LAMA2: variants seen among roughly 807,000 people sequenced by gnomAD.
LAMA2 encodes laminin subunit alpha-2.
A neutral mutation model predicts 364.8 loss-of-function variants in LAMA2; 269 were observed. The ratio of observed to expected loss-of-function variants is 0.74; its 90% CI spans 0.67 to 0.82. The LOEUF (loss-of-function observed/expected upper bound fraction) is 0.82. LAMA2 is among the 40% of genes least tolerant of loss of function. The pLI is 0.00. For synonymous variants in LAMA2, 1,379 were observed against 1,370.6 expected, an observed-to-expected ratio of 1.01 and a Z score of -0.14; for missense variants, 3,807 against 3,873.2, an observed-to-expected ratio of 0.98 and a Z score of 0.45.
intron 2 of LAMA2, among the ~76,000 whole-genome samples, chr6:129,057,000 T>C (rs1201529342): frequency 1.3e-5 from 2 of 152,046 alleles, no homozygotes; most frequent in Non-Finnish European, 2.9e-5. Flanking sequence ...CCCAAAGTGC[T>C]GGGATTACAG....
intron 4 of LAMA2, among the ~76,000 whole-genome samples, chr6:129,117,997 T>C (rs1316977487): frequency 2.0e-5 from 3 of 152,156 alleles, no homozygotes; most frequent in African/African-American, 7.2e-5. Flanking sequence ...ACTCATCTTA[T>C]GTAGGAGGAA....
At chr6:128,922,041 C>T (rs1778772903) in intron 1 of LAMA2, among the ~76,000 whole-genome samples, 1 of 152,094 alleles carries the variant, frequency 6.6e-6, no homozygotes, top group Non-Finnish European at 1.5e-5. Context: ...ATGAACTCAT[C>T]ATTTTTTATG....
chr6:129,318,103 G>A (rs1459376932), intron 27 of LAMA2, among the ~76,000 whole-genome samples: 1 of 152,074 alleles, frequency 6.6e-6, no homozygotes, highest in African/African-American at 2.4e-5. Context: ...TAAGGCAGTG[G>A]AATTGTGGCA....
At chr6:129,300,536 A>G (rs1773484805) in intron 21 of LAMA2, among the ~76,000 whole-genome samples, 200 bp from the exon 22 acceptor site, 1 of 152,186 alleles carries the variant, frequency 6.6e-6, no homozygotes, top group Admixed American at 6.5e-5. Context: ...AATACATCTT[A>G]TATTTATTGA....
At chr6:129,457,629 G>A (rs932549866) in intron 48 of LAMA2, among the ~76,000 whole-genome samples, 20 of 152,028 alleles carry the variant, frequency 1.3e-4, no homozygotes, top group African/African-American at 4.6e-4. Context: ...GCTAAGTAAT[G>A]TTCTCAGTAA....
chr6:129,313,908 A>G (rs879512631), intron 23 of LAMA2, among the ~76,000 whole-genome samples: 58 of 152,206 alleles, frequency 3.8e-4, no homozygotes, highest in African/African-American at 1.3e-3. Context: ...AATTATGATC[A>G]TATATTTAAT....
At chr6:129,421,533 A>G (rs892684150) in intron 40 of LAMA2, among the ~76,000 whole-genome samples, 13 of 152,162 alleles carry the variant, frequency 8.5e-5, no homozygotes, top group African/African-American at 2.9e-4. Flanking sequence ...TAGCTTAGAA[A>G]ATGCTGCTTC....
intron 12 of LAMA2, among the ~76,000 whole-genome samples, chr6:129,200,419 CGTGTATATGTGTACACATATACATATAT>C (rs973463216): frequency 3.4e-5 from 5 of 144,932 alleles, no homozygotes; most frequent in African/African-American, 1.3e-4. Flanking sequence ...TATACATATA[CGTGTATATGTGTACACATATACATATAT>C]GTATATATAT....
chr6:128,895,524 T>TGTAGTG (rs1776721266), intron 1 of LAMA2, among the ~76,000 whole-genome samples: 1 of 149,346 alleles, frequency 6.7e-6, no homozygotes, highest in African/African-American at 2.5e-5. Context: ...GGCGGGCGCT[T>TGTAGTG]GTAGTGCCAG....
chr6:129,057,338 T>C lies in LAMA2; in HGVS notation c.284-2446T>C, dbSNP rs555533654. ...GGCAAAGTAAGAAAATGAGAACAAC[T>C]TTCCACATTTTTCATAAAAATAGAA... On this transcript the variant is annotated intron_variant, in intron 2 of 64. Transcript: ENST00000421865. Among the ~76,000 whole-genome samples the C allele has an allele frequency of 4.6e-5, 7 of 152,300 alleles. No individual in the cohort carries two copies. The South Asian group carries it at 1.4e-3, about 32-fold the overall frequency.
intron 9 of LAMA2, among the ~76,000 whole-genome samples, chr6:129,172,207 G>T (rs1263732210): frequency 1.3e-5 from 2 of 152,026 alleles, no homozygotes; most frequent in African/African-American, 2.4e-5. Flanking sequence ...GCTTTGTTCC[G>T]TTGCTGGTGA....
chr6:129,011,962 A>G (rs1304653253), intron 1 of LAMA2, among the ~76,000 whole-genome samples: 2 of 152,162 alleles, frequency 1.3e-5, no homozygotes, highest in Non-Finnish European at 2.9e-5. Flanking sequence ...AATAAAGAAA[A>G]TGTATTAAAA....
intron 15 of LAMA2, among the ~76,000 whole-genome samples, chr6:129,261,935 A>C (rs1014567880): frequency 6.6e-6 from 1 of 152,130 alleles, no homozygotes; most frequent in African/African-American, 2.4e-5. Flanking sequence ...TAAAATACAC[A>C]ATGTATTTGA....
At chr6:129,073,566 C>T (rs1256482903) in intron 3 of LAMA2, among the ~76,000 whole-genome samples, 1 of 152,136 alleles carries the variant, frequency 6.6e-6, no homozygotes, top group Non-Finnish European at 1.5e-5. Context: ...CATTTGTCTT[C>T]TCTTCTTTTG....
At chr6:129,404,790 A>C (rs1780160824) in intron 40 of LAMA2, among the ~76,000 whole-genome samples, 1 of 152,162 alleles carries the variant, frequency 6.6e-6, no homozygotes, top group African/African-American at 2.4e-5. Context: ...ACACATAAGC[A>C]GTGGTGTTAA....
chr6:129,300,901 A>C (rs754928454), intron 22 of LAMA2, 29 bp downstream of exon 22: 1 of 1,612,548 alleles, frequency 6.2e-7, no homozygotes, highest in Admixed American at 1.7e-5. Flanking sequence ...TGCTCTGATA[A>C]TTTTTTGGAG....
intron 1 of LAMA2, chr6:128,930,091 GC>G (rs1376363592): frequency 3.0e-6 from 1 of 328,438 alleles, no homozygotes; most frequent in African/African-American, 2.2e-5. Flanking sequence ...TCAATCAGCA[GC>G]CCACAGCCCG....
rs530596823 is a variant in LAMA2, at chr6:129,377,913, C to T, written c.4960-5209C>T. On this transcript the variant is annotated intron_variant, in intron 34 of 64. Coordinates refer to ENST00000421865, the MANE Select transcript of LAMA2 (RefSeq NM_000426.4). ...AATTAACGTGTGCCTAATGGTAATG[C>T]ATGCTGCCTAGACATAAATACTCTA... Among the ~76,000 whole-genome samples, 437 of 151,674 alleles carry T rather than the reference C, an allele frequency of 2.9e-3. 3 individuals are homozygous for T. Among genetic ancestry groups the T allele is most frequent in the Non-Finnish European group, 4.3e-3 (294 of 67,890 alleles).
chr6:129,331,833 T>C (rs746529542), intron 29 of LAMA2, among the ~76,000 whole-genome samples: 1 of 152,174 alleles, frequency 6.6e-6, no homozygotes, highest in Non-Finnish European at 1.5e-5. Flanking sequence ...CTATACTGGA[T>C]TCAATGGCTA....
Sources: gnomAD v4.1 joint callset for allele counts (sites outside exome capture counted in the v4.1 genomes callset) on GRCh38, gnomAD v4.1.1 for gene constraint, MANE v1.5 for transcripts, NCBI Gene and HGNC (gene_info 2026-07-23, HGNC 2026-07-21) for gene names.